The following AFMID variants were observed in gnomAD, a reference collection of about 807,000 sequenced individuals.
The protein encoded by AFMID is arylformamidase, also known as kynurenine formamidase.
In AFMID, 39 loss-of-function variants were observed where a neutral mutation model predicts 47.5. That is an observed-to-expected ratio of 0.82 (90% CI 0.64 to 1.07). The LOEUF (loss-of-function observed/expected upper bound fraction) is 1.07. AFMID is among the 50% of genes least tolerant of loss of function. The pLI, the probability that AFMID is intolerant of heterozygous loss-of-function variation, is 0.00. For synonymous variants in AFMID, 130 were observed against 153.2 expected (o/e 0.85, Z 1.12); for missense variants, 375 against 387.5 (o/e 0.97, Z 0.27).
chr17:78,202,889 C>T (rs986956630), intron 4 of AFMID, 138 bp downstream of exon 4: 18 of 1,084,410 alleles, frequency 1.7e-5, no homozygotes, highest in African/African-American at 6.3e-5. Context: ...CGCTGGAGAA[C>T]GGAAGTCTCA....
intron 4 of AFMID, chr17:78,203,055 CTTTTTTTTTT>C (rs56016227): frequency 6.3e-5 from 7 of 111,134 alleles, no homozygotes; most frequent in Non-Finnish European, 9.7e-5. Context: ...CTTCCTCTCT[CTTTTTTTTTT>C]TTTTTTTTTT....
In AFMID at chr17:78,207,273, C is replaced by CTTTTTTTTTT. The variant is rs1163959276; in HGVS notation, c.*355_*364dup. ...ACGCTCAAAAGTAATGCCATTACTT[C>CTTTTTTTTTT]TTTTTTTTTTTTTTTTTTTTTTTTT... On this transcript the variant is annotated 3_prime_UTR_variant, in exon 11 of 11. Coordinates refer to ENST00000409257, the MANE Select transcript of AFMID (RefSeq NM_001010982.5). The CTTTTTTTTTT allele has an allele frequency of 1.9e-3, 165 of 85,442 alleles. 15 individuals are homozygous for CTTTTTTTTTT. The East Asian group carries it at 0.022, about 11-fold the overall frequency. The allele number at this position is 85,442 out of a possible 1,614,324, so 5.3% of individuals were successfully genotyped here. A position where few individuals can be genotyped will look rare whatever the true frequency, so the allele number is the denominator to read the frequency against.
At chr17:78,196,123 G>A (rs2076106506) in intron 2 of AFMID, among the ~76,000 whole-genome samples, 3 of 152,206 alleles carry the variant, frequency 2.0e-5, no homozygotes, top group Admixed American at 2.0e-4. Context: ...CAGCACTTTG[G>A]GAGGCCAAGG....
intron 2 of AFMID, among the ~76,000 whole-genome samples, chr17:78,199,985 CTG>C (rs141308816): frequency 0.033 from 5,047 of 151,820 alleles, 234 homozygotes; most frequent in East Asian, 0.23. Context: ...ATTCTGAAAA[CTG>C]TGTTATGTAA....
Position 78,191,040 on chromosome 17 carries a change from A to G in AFMID, c.134A>G (p.Tyr45Cys). The part of the protein sequence containing the change: ...RLGAEEALRT[Y>C]SQIGIEATTR... ...GGAGCAGAGGAAGCCTTGAGGACCT[A>G]CTCACAGATAGGAATTGAAGGTACT... is the stretch of plus-strand genomic sequence containing the variant. Residue 45 changes from tyrosine (Y) to cysteine (C), a missense_variant, in exon 2 of 11, where the codon TAC becomes TGC. Physicochemically the swap from Tyr to Cys is radical, Grantham distance 194. Transcript: ENST00000409257. 6.2e-7 allele frequency: 1 copy of G among 1,613,894 alleles called. No individual in the cohort carries two copies. The highest frequency in any genetic ancestry group is 8.5e-7 in the Non-Finnish European group (1 of 1,179,932).
Position 78,191,063 on chromosome 17 carries a change from A to G in AFMID, c.154+3A>G, listed in dbSNP as rs747925477. 1 of 1,613,386 alleles carries G rather than the reference A, an allele frequency of 6.2e-7. No individual in the cohort carries two copies. The highest frequency in any genetic ancestry group is 1.1e-5 in the South Asian group (1 of 91,006). On this transcript the variant is annotated splice_donor_region_variant and intron_variant, in intron 2 of 10. Coordinates refer to ENST00000409257, the MANE Select transcript of AFMID (RefSeq NM_001010982.5). ...CTACTCACAGATAGGAATTGAAGGT[A>G]CTAGTGTGACCTCTCCGTGGCCGCA...
At chr17:78,206,338 C>CAAGA (rs1491243001) in intron 10 of AFMID, among the ~76,000 whole-genome samples, 1 of 104,028 alleles carries the variant, frequency 9.6e-6, no homozygotes. Context: ...GACTCTGTCT[C>CAAGA]AAAAAAAAAA....
chr17:78,203,839 C>G (rs370666433), intron 4 of AFMID: 1 of 152,018 alleles, frequency 6.6e-6, no homozygotes, highest in Non-Finnish European at 1.5e-5. Context: ...GCCTGGCCAA[C>G]GTGGTGAAAC....
chr17:78,196,448 G>A (rs140215062), intron 2 of AFMID, among the ~76,000 whole-genome samples: 1,494 of 147,200 alleles, frequency 0.01, 16 homozygotes, highest in Admixed American at 0.018. Flanking sequence ...GAGGCCAGAG[G>A]GGGGCAGATC....
Position 78,199,619 on chromosome 17 carries a change from C to T in AFMID, c.155-2880C>T, listed in dbSNP as rs146656641. ...CGAATGCCTGACCTTGTGGTCCACC[C>T]GCCTCGGCCTCCCAAAGTGCTGGGA... On this transcript the variant is annotated intron_variant, in intron 2 of 10. Coordinates refer to ENST00000409257, the MANE Select transcript of AFMID (RefSeq NM_001010982.5). Among the ~76,000 whole-genome samples the T allele has an allele frequency of 0.012, 1,777 of 152,140 alleles. 58 individuals carry two copies. In the East Asian group the frequency reaches 0.12, roughly 11 times the overall value.
chr17:78,191,161 C>A, intron 2 of AFMID, 101 bp downstream of exon 2: 1 of 985,938 alleles, frequency 1.0e-6, no homozygotes, highest in African/African-American at 1.6e-5. Context: ...ACCACCTGGG[C>A]CTCGAGGGGC....
intron 10 of AFMID, 130 bp downstream of exon 10, chr17:78,206,180 A>T: frequency 4.1e-6 from 3 of 737,716 alleles, no homozygotes; most frequent in Non-Finnish European, 6.8e-6. Context: ...TACTAAAAAT[A>T]CAAAACAAAT....
At chr17:78,188,970 G>T (rs899222928) in intron 1 of AFMID, among the ~76,000 whole-genome samples, 2 of 152,136 alleles carry the variant, frequency 1.3e-5, no homozygotes, top group African/African-American at 4.8e-5. Context: ...GGCCTCAAGT[G>T]ATCCACCCGC....
intron 2 of AFMID, among the ~76,000 whole-genome samples, chr17:78,196,250 A>T (rs1366004113): frequency 6.6e-6 from 1 of 152,142 alleles, no homozygotes; most frequent in Non-Finnish European, 1.5e-5. Context: ...CTATAATCTC[A>T]GCTACTTGAG....
rs746480044 is a variant in AFMID, at chr17:78,202,587, C to T, written c.243C>T (p.Pro81=). ...GEGEKVDIYF[P]DESSEALPFF... ...GGGAGAAAGTGGACATTTACTTCCC[C>T]GACGAGTCGTCTGAAGGTTGTCGGT... Residue 81 remains proline, a synonymous_variant, in exon 3 of 11, where the codon CCC becomes CCT. Transcript: ENST00000409257. The T allele has an allele frequency of 6.8e-6, 11 of 1,613,886 alleles. No homozygotes were observed. The highest frequency in any genetic ancestry group is 2.2e-5 in the East Asian group (1 of 44,890).
In AFMID at chr17:78,207,125, C is replaced by T. The variant is rs923305273; in HGVS notation, c.*188C>T. The T allele has an allele frequency of 3.0e-6, 2 of 660,744 alleles. No individual in the cohort carries two copies. The highest frequency in any genetic ancestry group is 2.7e-5 in the Admixed American group (1 of 37,432). The allele number at this position is 660,744 out of a possible 1,614,324, so 40.9% of individuals were successfully genotyped here. A position where few individuals can be genotyped will look rare whatever the true frequency, so the allele number is the denominator to read the frequency against. On this transcript the variant is annotated 3_prime_UTR_variant, in exon 11 of 11. Transcript: ENST00000409257. ...TCATGAAAATCTCCACGTCCTCCCT[C>T]TTCCCAGCCTGGATGGAGCTCCAGG...
chr17:78,202,071 C>T (rs1428234312), intron 2 of AFMID, among the ~76,000 whole-genome samples: 1 of 151,874 alleles, frequency 6.6e-6, no homozygotes, highest in Non-Finnish European at 1.5e-5. Flanking sequence ...AGCTGAAGCT[C>T]AACACGCCAA....
chr17:78,199,064 TCAGTACGC>T (rs2076183067), intron 2 of AFMID, among the ~76,000 whole-genome samples: 2 of 152,344 alleles, frequency 1.3e-5, no homozygotes, highest in African/African-American at 4.8e-5. Context: ...CGTCAGTACG[TCAGTACGC>T]AGGGAGCCCT....
At chr17:78,192,658 T>C (rs1208391214) in intron 2 of AFMID, 1 of 471,070 alleles carries the variant, frequency 2.1e-6, no homozygotes, top group Non-Finnish European at 4.4e-6. Context: ...TGGGAACCTG[T>C]AAACTAGTGA....
Sources: allele counts gnomAD v4.1 joint callset (sites outside exome capture counted in the v4.1 genomes callset), GRCh38; gene constraint gnomAD v4.1.1; transcripts MANE v1.5; gene names NCBI Gene and HGNC (gene_info 2026-07-23, HGNC 2026-07-21).